The following LIPA variants were observed in gnomAD, a reference collection of about 807,000 sequenced individuals.
The protein encoded by LIPA is lysosomal acid lipase/cholesteryl ester hydrolase.
In LIPA, 26 loss-of-function variants were observed where a neutral mutation model predicts 40.6. That is an observed-to-expected ratio of 0.64 (90% CI 0.47 to 0.89). LIPA has a LOEUF of 0.89. Among genes scored for constraint, LIPA ranks in the 40% least tolerant of loss-of-function variants. The probability of loss-of-function intolerance (pLI) is 0.00; values close to 1 mark genes in which losing one functional copy is unlikely to be tolerated. For synonymous variants in LIPA, 188 were observed against 168.4 expected (o/e 1.12, Z -0.90); for missense variants, 455 against 479.6 (o/e 0.95, Z 0.48).
At chr10:89,282,405 A>C (rs1482838483) in intron 1 of LIPA, among the ~76,000 whole-genome samples, 1 of 152,150 alleles carries the variant, frequency 6.6e-6, no homozygotes, top group African/African-American at 2.4e-5. Context: ...TGGGAGGCTG[A>C]GGCAGGCAGA....
chr10:89,340,501 T>A (rs1141862), intron 1 of LIPA: 39,653 of 141,584 alleles, frequency 0.28, 5,839 homozygotes, highest in East Asian at 0.62. Context: ...GAGGTTGCAG[T>A]GAGCCAAGAT....
chr10:89,349,050 A>G (rs895577164), intron 2 of LIPA, among the ~76,000 whole-genome samples: 1 of 152,196 alleles, frequency 6.6e-6, no homozygotes, highest in African/African-American at 2.4e-5. Context: ...AAATGAAGGC[A>G]CTTGAGAAAT....
chr10:89,311,022 G>C (rs1843512578), intron 1 of LIPA, among the ~76,000 whole-genome samples: 1 of 152,182 alleles, frequency 6.6e-6, no homozygotes, highest in African/African-American at 2.4e-5. Flanking sequence ...TGTTTATACA[G>C]ATATAATCTA....
At chr10:89,375,714 C>G (rs534394415) in intron 2 of LIPA, among the ~76,000 whole-genome samples, 241 of 152,246 alleles carry the variant, frequency 1.6e-3, no homozygotes, top group Non-Finnish European at 1.9e-3. Context: ...CCCTCATTCC[C>G]CTGAATGGTT....
intron 1 of LIPA, among the ~76,000 whole-genome samples, chr10:89,297,070 C>T (rs1843419684): frequency 6.6e-6 from 1 of 152,072 alleles, no homozygotes; most frequent in African/African-American, 2.4e-5. Flanking sequence ...GGAGACAACA[C>T]TAGAATTCAA....
chr10:89,247,504 G>T, intron 2 of LIPA, 34 bp downstream of exon 2: 1 of 1,263,206 alleles, frequency 7.9e-7, no homozygotes, highest in Non-Finnish European at 1.2e-6. Context: ...GGAAATAGAT[G>T]CATTTTAAAA....
Position 89,414,437 on chromosome 10 carries a change from G to A in LIPA, c.-102C>T, listed in dbSNP as rs925771348. On this transcript the variant is annotated 5_prime_UTR_variant, in exon 1 of 9. Coordinates refer to the LIPA transcript ENST00000371837. Reference sequence around the variant, plus strand: ...GAGGCAGATAAAAGCCGAGACCAAAGTGAAGGAGCCCAGCTGCAAATTCAA... The same window carrying A: ...GAGGCAGATAAAAGCCGAGACCAAAATGAAGGAGCCCAGCTGCAAATTCAA... 2.3e-5 allele frequency: 6 copies of A among 260,514 alleles called. No individual in the cohort carries two copies. The South Asian group carries it at 6.6e-4, about 29-fold the overall frequency. The allele number at this position is 260,514 out of a possible 1,614,324, so 16.1% of individuals were successfully genotyped here.
chr10:89,368,926 TCACACACACACACA>T (rs3063812), intron 2 of LIPA, among the ~76,000 whole-genome samples: 1 of 148,824 alleles, frequency 6.7e-6, no homozygotes, highest in Non-Finnish European at 1.5e-5. Flanking sequence ...AACACAAAAC[TCACACACACACACA>T]CACACACACA....
chr10:89,319,238 C>CA (rs1843557898), intron 1 of LIPA, among the ~76,000 whole-genome samples: 2 of 151,786 alleles, frequency 1.3e-5, no homozygotes, highest in South Asian at 2.1e-4. Flanking sequence ...GAGATAGAGA[C>CA]AAAAAACCCT....
At chr10:89,343,591 T>C (rs549565291), upstream of LIPA, among the ~76,000 whole-genome samples, 22 of 152,304 alleles carry the variant, frequency 1.4e-4, no homozygotes, top group East Asian at 4.0e-3. Flanking sequence ...TTCCAATGTC[T>C]TTCAGTTCAA....
chr10:89,341,070 A>T (rs1843863949), intron 1 of LIPA: 1 of 152,206 alleles, frequency 6.6e-6, no homozygotes, highest in Non-Finnish European at 1.5e-5. Flanking sequence ...AAGCCGTACC[A>T]TACTATTCTC....
At position 89,222,511 on chromosome 10, in the gene LIPA, C is replaced by G. The variant is rs116928232; in HGVS notation, c.894G>C (p.Gln298His). 1.6e-5 allele frequency: 26 copies of G among 1,603,534 alleles called. No individual in the cohort carries two copies. Among genetic ancestry groups the G allele is most frequent in the Admixed American group, 3.3e-5 (2 of 60,014 alleles). Residue 298 changes from glutamine to histidine, a missense_variant and splice_region_variant, in exon 8 of 10, where the codon CAG (glutamine) becomes CAC (histidine). Physicochemically the swap from Gln to His is conservative, Grantham distance 24. Transcript: ENST00000336233. ...CCAAATGCACTCCTGGAATGCCTAC[C>G]TGGCTCCAGTGTAACATGTTTTGCA... ...TSVQNMLHWSQAVKFQKFQAF... is the reference protein window; with the variant it reads ...TSVQNMLHWSHAVKFQKFQAF...
At chr10:89,219,262 A>G (rs909397716) in intron 8 of LIPA, among the ~76,000 whole-genome samples, 7 of 151,826 alleles carry the variant, frequency 4.6e-5, no homozygotes, top group African/African-American at 1.2e-4. Context: ...GAGTCTCCAC[A>G]GGTCTCAGAC....
At chr10:89,258,830 T>C (rs902912472) in intron 1 of LIPA, among the ~76,000 whole-genome samples, 6 of 152,246 alleles carry the variant, frequency 3.9e-5, no homozygotes, top group African/African-American at 1.2e-4. Context: ...AAGACATGAA[T>C]AAATAAAATT....
chr10:89,277,206 G>A (rs1300158385), intron 1 of LIPA, among the ~76,000 whole-genome samples: 2 of 152,218 alleles, frequency 1.3e-5, no homozygotes, highest in Non-Finnish European at 2.9e-5. Flanking sequence ...AAGGTTCGCT[G>A]GGAGTGGAGT....
In LIPA at chr10:89,273,078, A is replaced by G. The variant is rs77732010; in HGVS notation, c.-1-25429T>C. On this transcript the variant is annotated intron_variant, in intron 1 of 5. Transcript: ENST00000282673. ...GATAGGTAAAAGAAAGAAGTTATAA[A>G]CACTAGCTACAACCTTGTGCCCTGT... is the stretch of plus-strand genomic sequence containing the variant. Among the ~76,000 whole-genome samples the G allele has an allele frequency of 1.6e-3, 237 of 152,340 alleles. 2 individuals are homozygous for G. The East Asian group carries it at 0.023, about 15-fold the overall frequency.
At chr10:89,257,833 T>C (rs1258606299) in intron 1 of LIPA, among the ~76,000 whole-genome samples, 3 of 152,226 alleles carry the variant, frequency 2.0e-5, no homozygotes, top group Non-Finnish European at 4.4e-5. Context: ...AGAGAGAGGC[T>C]GTGGCGAGCT....
intron 1 of LIPA, among the ~76,000 whole-genome samples, chr10:89,334,413 G>A (rs982926284): frequency 6.7e-6 from 1 of 150,114 alleles, no homozygotes; most frequent in Admixed American, 6.6e-5. Context: ...AGGTAGGACT[G>A]GCATTCTACT....
At position 89,223,601 on chromosome 10, in the gene LIPA, C is replaced by T. The variant is rs1024160008; in HGVS notation, c.822+83G>A. 2.0e-5 allele frequency: 23 copies of T among 1,152,962 alleles called. No homozygotes were observed. In the African/African-American group the frequency reaches 3.1e-4, roughly 15 times the overall value. The allele number at this position is 1,152,962 out of a possible 1,614,324, so 71.4% of individuals were successfully genotyped here. On this transcript the variant is annotated intron_variant, in intron 7 of 9. Transcript: ENST00000336233. ...TCTTTAGAGTTCTGATGAGGTCATTCCCACCTCTCCCATATCATTCAACAC... is the reference window on the plus strand; with the variant it reads ...TCTTTAGAGTTCTGATGAGGTCATTTCCACCTCTCCCATATCATTCAACAC...
Sources: gnomAD v4.1 joint callset for allele counts (sites outside exome capture counted in the v4.1 genomes callset) on GRCh38, gnomAD v4.1.1 for gene constraint, MANE v1.5 for transcripts, NCBI Gene and HGNC (gene_info 2026-07-23, HGNC 2026-07-21) for gene names.